Variants in NAF1 observed in about 807,000 individuals in gnomAD.
NAF1 encodes the protein nuclear assembly factor 1 ribonucleoprotein, also known as H/ACA ribonucleoprotein complex non-core subunit NAF1.
A neutral mutation model predicts 40.6 loss-of-function variants in NAF1; 11 were observed. That is an observed-to-expected ratio of 0.27 (90% CI 0.17 to 0.45). The LOEUF (loss-of-function observed/expected upper bound fraction) is 0.45. NAF1 is among the 20% of genes least tolerant of loss of function. NAF1 has a pLI of 1.00. For synonymous variants in NAF1, 260 were observed against 228.5 expected (o/e 1.14, Z -1.24); for missense variants, 607 against 611.1 (o/e 0.99, Z 0.07).
Position 163,129,047 on chromosome 4 carries a change from TG to T in NAF1, c.1334del (p.Pro445HisfsTer3). The T allele has an allele frequency of 1.6e-6, 1 of 640,664 alleles. No homozygotes were observed. Among genetic ancestry groups the T allele is most frequent in the Non-Finnish European group, 2.1e-6 (1 of 469,238 alleles). The allele number at this position is 640,664 out of a possible 1,614,324, so 39.7% of individuals were successfully genotyped here. A position where few individuals can be genotyped will look rare whatever the true frequency, so the allele number is the denominator to read the frequency against. On this transcript the variant is annotated frameshift_variant, in exon 8 of 8. Coordinates refer to ENST00000274054, the MANE Select transcript of NAF1 (RefSeq NM_138386.3). LOFTEE classifies it high-confidence loss of function. The stretch of plus-strand genomic sequence containing the variant: ...GTGTAGCCCAACCCATGTTTACAGG[TG>T]GGGGTGGTGGTGGGGGTGGAGGGCG... ...PLRPPPPPPP[P>X]PVNMGWATPN...
chr4:163,152,371 A>T (rs1351813956), intron 2 of NAF1, among the ~76,000 whole-genome samples: 1 of 152,226 alleles, frequency 6.6e-6, no homozygotes, highest in South Asian at 2.1e-4. Context: ...GTTCTGCTCT[A>T]AAGAGTACTA....
chr4:163,123,909 A>C (rs1471520701), downstream of NAF1, among the ~76,000 whole-genome samples: 1 of 152,242 alleles, frequency 6.6e-6, no homozygotes, highest in Non-Finnish European at 1.5e-5. Context: ...CAGTTTAAAG[A>C]TCTAGGGACA....
chr4:163,131,666 A>T lies in NAF1; in HGVS notation c.1033+1488T>A, dbSNP rs1368421543. Among the ~76,000 whole-genome samples the T allele has an allele frequency of 2.0e-5, 3 of 152,318 alleles. No individual in the cohort carries two copies. In the East Asian group the frequency reaches 5.8e-4, roughly 29 times the overall value. ...GAAAAAATAGAAGAAAATCATTAGG[A>T]TCTAAAGCTAAGCAGGAAGTTCTCA... On this transcript the variant is annotated intron_variant, in intron 7 of 7. Coordinates refer to ENST00000274054, the MANE Select transcript of NAF1 (RefSeq NM_138386.3).
intron 5 of NAF1, 31 bp from the exon 6 acceptor site, chr4:163,137,281 G>T: frequency 1.3e-6 from 2 of 1,591,262 alleles, no homozygotes. Flanking sequence ...AGTCAAAAAA[G>T]TATTCATCAC....
At chr4:163,134,004 A>G (rs577085016) in intron 6 of NAF1, among the ~76,000 whole-genome samples, 1 of 152,324 alleles carries the variant, frequency 6.6e-6, no homozygotes, top group African/African-American at 2.4e-5. Context: ...TTATAAGCAG[A>G]TACATGAATG....
At chr4:163,138,919 A>G (rs1405882791) in intron 5 of NAF1, among the ~76,000 whole-genome samples, 1 of 152,160 alleles carries the variant, frequency 6.6e-6, no homozygotes, top group Non-Finnish European at 1.5e-5. Context: ...AGCATTTTAG[A>G]ACATATTAAT....
In NAF1 at chr4:163,166,744, C is replaced by T. The variant is rs1420441344; in HGVS notation, c.-17G>A. The T allele has an allele frequency of 6.2e-7, 1 of 1,612,914 alleles. No individual in the cohort carries two copies. Among genetic ancestry groups the T allele is most frequent in the Non-Finnish European group, 8.5e-7 (1 of 1,179,720 alleles). On this transcript the variant is annotated 5_prime_UTR_variant, in exon 1 of 8. Transcript: ENST00000274054. ...TACCTCCATCGCACCGCGCCAGAAA[C>T]CGGGTCGGCCTCAGGATTGGGGCCC...
At chr4:163,158,521 C>A (rs1198405267) in intron 2 of NAF1, among the ~76,000 whole-genome samples, 1 of 151,980 alleles carries the variant, frequency 6.6e-6, no homozygotes, top group Non-Finnish European at 1.5e-5. Context: ...TGACACTAAA[C>A]TTAAGACTCA....
downstream of NAF1, among the ~76,000 whole-genome samples, chr4:163,105,608 TTTC>T (rs1730038390): frequency 6.6e-6 from 1 of 152,218 alleles, no homozygotes; most frequent in Non-Finnish European, 1.5e-5. Context: ...TTGGAAATAA[TTTC>T]TTAAGATCAT....
chr4:163,151,551 A>T (rs532683446), intron 2 of NAF1, among the ~76,000 whole-genome samples: 28 of 152,190 alleles, frequency 1.8e-4, no homozygotes, highest in African/African-American at 6.5e-4. Flanking sequence ...GTACACTTAT[A>T]TATTTGGGTT....
At chr4:163,149,266 G>A (rs1731598023) in intron 2 of NAF1, among the ~76,000 whole-genome samples, 6 of 152,098 alleles carry the variant, frequency 3.9e-5, no homozygotes, top group Admixed American at 3.9e-4. Flanking sequence ...TCCTCAAGAT[G>A]GCTTGAAGTG....
intron 2 of NAF1, among the ~76,000 whole-genome samples, chr4:163,116,357 A>T (rs766566473): frequency 7.2e-5 from 11 of 152,224 alleles, no homozygotes; most frequent in Non-Finnish European, 1.6e-4. Context: ...GTTATCACTG[A>T]GTTAACCTTG....
At chr4:163,162,170 T>C (rs971198615) in intron 2 of NAF1, among the ~76,000 whole-genome samples, 1 of 152,162 alleles carries the variant, frequency 6.6e-6, no homozygotes, top group African/African-American at 2.4e-5. Context: ...GTGGTAAAAC[T>C]GCCAGCCCTG....
rs199851193 is a variant in NAF1 at position 163,142,697 on chromosome 4, G to A, written c.718-2314C>T. Reference sequence around the variant, plus strand: ...GGCATGAGCCAATACTAATAGGTATGTTACAGGAAAACTTGACCAAGTTCA... The same window carrying A: ...GGCATGAGCCAATACTAATAGGTATATTACAGGAAAACTTGACCAAGTTCA... On this transcript the variant is annotated intron_variant, in intron 4 of 7. Coordinates refer to ENST00000274054, the MANE Select transcript of NAF1 (RefSeq NM_138386.3). Among the ~76,000 whole-genome samples, 15 of 152,334 alleles carry A rather than the reference G, an allele frequency of 9.8e-5. No homozygotes were observed. In the East Asian group the frequency reaches 2.3e-3, roughly 23 times the overall value.
At chr4:163,154,102 C>T (rs1490578918) in intron 2 of NAF1, among the ~76,000 whole-genome samples, 1 of 152,040 alleles carries the variant, frequency 6.6e-6, no homozygotes, top group East Asian at 1.9e-4. Flanking sequence ...CACATCTGAA[C>T]ATCAGAAGGA....
downstream of NAF1, among the ~76,000 whole-genome samples, chr4:163,108,418 T>G (rs1730083687): frequency 6.6e-6 from 1 of 152,188 alleles, no homozygotes; most frequent in African/African-American, 2.4e-5. Flanking sequence ...CCTAAAACAA[T>G]AGTTGACACC....
At chr4:163,153,475 G>A (rs1052772941) in intron 2 of NAF1, among the ~76,000 whole-genome samples, 2 of 148,638 alleles carry the variant, frequency 1.3e-5, no homozygotes, top group Non-Finnish European at 1.5e-5. Context: ...GTCTAGCTCA[G>A]GGATTGTAAA....
chr4:163,110,766 T>C (rs1390203690), intron 2 of NAF1, among the ~76,000 whole-genome samples: 1 of 152,116 alleles, frequency 6.6e-6, no homozygotes. Flanking sequence ...CTACTATGGA[T>C]TTTTTTAACT....
chr4:163,127,004 T>A (rs957122588), downstream of NAF1: 2 of 1,551,340 alleles, frequency 1.3e-6, no homozygotes, highest in Non-Finnish European at 1.7e-6. Flanking sequence ...TAAACTAAAG[T>A]AGCATGTAAA....
Sources: gnomAD v4.1 joint callset for allele counts (sites outside exome capture counted in the v4.1 genomes callset) on GRCh38, gnomAD v4.1.1 for gene constraint, MANE v1.5 for transcripts, NCBI Gene and HGNC (gene_info 2026-07-23, HGNC 2026-07-21) for gene names.